SYNE2: variants seen among roughly 807,000 people sequenced by gnomAD.
SYNE2 encodes spectrin repeat containing nuclear envelope protein 2.
In SYNE2, 431 loss-of-function variants were observed where a neutral mutation model predicts 856.3. The observed-to-expected ratio is 0.50, with a 90% confidence interval of 0.47 to 0.55. The LOEUF is 0.55. Ranked by LOEUF, SYNE2 falls within the 20% of genes least tolerant of loss-of-function variation. SYNE2 has a pLI of 0.00. For synonymous variants in SYNE2, 2,923 were observed against 2,872.3 expected, an observed-to-expected ratio of 1.02 and a Z score of -0.56; for missense variants, 8,129 against 8,023.2, an observed-to-expected ratio of 1.01 and a Z score of -0.50.
In SYNE2 at chr14:63,949,904, C is replaced by T. The variant is rs750565287; in HGVS notation, c.488C>T (p.Pro163Leu). The T allele has an allele frequency of 9.3e-6, 15 of 1,614,032 alleles. No individual in the cohort carries two copies. The South Asian group carries it at 1.6e-4, about 18-fold the overall frequency. ...LDDVSVVDSS[P>L]ASSPPAKKCS... Reference sequence around the variant, plus strand: ...GATGTGAGTGTGGTTGACTCATCTCCTGCCTCAAGTCCTCCAGCTAAGAAA... The same window carrying T: ...GATGTGAGTGTGGTTGACTCATCTCTTGCCTCAAGTCCTCCAGCTAAGAAA... Residue 163 changes from proline (P) to leucine (L), a missense_variant, in exon 7 of 116, where the codon CCT becomes CTT. By Grantham distance (98) the Pro-to-Leu change is moderately conservative. This residue lies in a region of SYNE2 where 2,422 missense variants were observed against 2,357.4 expected (regional missense o/e 1.03). Transcript: ENST00000555002.
intron 94 of SYNE2, among the ~76,000 whole-genome samples, chr14:64,171,581 C>T (rs2098411000): frequency 6.6e-6 from 1 of 152,146 alleles, no homozygotes; most frequent in African/African-American, 2.4e-5. Flanking sequence ...GCCAGCCATG[C>T]AAGATCTAAG....
chr14:63,824,503 G>A (rs1889343246), intron 1 of SYNE2, among the ~76,000 whole-genome samples: 1 of 152,048 alleles, frequency 6.6e-6, no homozygotes, highest in Non-Finnish European at 1.5e-5. Flanking sequence ...GCTGGGTGTG[G>A]TGGCAGGTGC....
chr14:64,215,331 C>A lies in SYNE2; in HGVS notation c.19379C>A (p.Thr6460Lys), dbSNP rs772848063. The A allele has an allele frequency of 6.2e-7, 1 of 1,614,140 alleles. No individual in the cohort carries two copies. The highest frequency in any genetic ancestry group is 2.2e-5 in the East Asian group (1 of 44,886). Residue 6460 changes from threonine to lysine, a missense_variant, in exon 107 of 116, where the codon ACA becomes AAA. Thr to Lys is a moderately conservative substitution (Grantham distance 78). Coordinates refer to ENST00000555002, the MANE Select transcript of SYNE2 (RefSeq NM_182914.3). ...CCTGAGGCATATCTTAAAATGACCA[C>A]AAAAACTTTGAAAGCGTCTTCTGGT... ...ENPEAYLKMTTKTLKASSGKS... is the reference protein window; with the variant it reads ...ENPEAYLKMTKKTLKASSGKS...
chr14:64,159,338 T>A lies in SYNE2; in HGVS notation c.15990T>A (p.Ser5330Arg), dbSNP rs1277542548. 2 of 1,613,976 alleles carry A rather than the reference T, an allele frequency of 1.2e-6. No homozygotes were observed. The highest frequency in any genetic ancestry group is 1.7e-6 in the Non-Finnish European group (2 of 1,179,898). ...LQSLQDEAES[S>R]EGSWEKLQEV... The stretch of plus-strand genomic sequence containing the variant: ...CTCTGCAAGATGAAGCTGAGAGCAG[T>A]GAAGGGAGTTGGGAGAAACTCCAGG... The change falls in exon 87 of 116, where the codon AGT (serine) becomes AGA (arginine). Residue 5330 changes from serine (S) to arginine (R), a missense_variant. This residue lies in a region of SYNE2 where 5,410 missense variants were observed against 5,284.8 expected (regional missense o/e 1.02). Coordinates refer to ENST00000555002, the MANE Select transcript of SYNE2 (RefSeq NM_182914.3).
chr14:63,817,776 C>A (rs1464901004), intron 1 of SYNE2, among the ~76,000 whole-genome samples: 1 of 152,134 alleles, frequency 6.6e-6, no homozygotes, highest in African/African-American at 2.4e-5. Flanking sequence ...ATGATCCCAG[C>A]ACTTTGGGAG....
rs749784100 is a variant in SYNE2 at position 64,025,021 on chromosome 14, G to C, written c.5950G>C (p.Ala1984Pro). 4 of 1,614,068 alleles carry C rather than the reference G, an allele frequency of 2.5e-6. No individual in the cohort carries two copies. In the South Asian group the frequency reaches 4.4e-5, roughly 18 times the overall value. The change falls in exon 40 of 116, where the codon GCT becomes CCT. Residue 1984 changes from alanine (A) to proline (P), a missense_variant. Ala to Pro is a conservative substitution (Grantham distance 27, BLOSUM62 -1). Around this residue, in one of 3 missense-constraint regions of SYNE2, gnomAD observed 2,422 missense variants for 2,357.4 expected, o/e 1.03. Coordinates refer to ENST00000555002, the MANE Select transcript of SYNE2 (RefSeq NM_182914.3). ...EKTELFCQAL[A>P]RKREQFESVA... ...AACTGAGCTGTTCTGCCAAGCTTTA[G>C]CTAGAAAGAGGTATAGCTGATCTTG...
At chr14:63,826,797 A>G (rs555939202) in intron 1 of SYNE2, among the ~76,000 whole-genome samples, 1 of 152,314 alleles carries the variant, frequency 6.6e-6, no homozygotes, top group Non-Finnish European at 1.5e-5. Flanking sequence ...GTGTTAGGCA[A>G]TGATTTCTTA....
chr14:64,162,008 A>G (rs2098333600), intron 87 of SYNE2, 64 bp from the exon 88 acceptor site: 4 of 1,580,168 alleles, frequency 2.5e-6, no homozygotes, highest in Admixed American at 3.4e-5. Context: ...GAGTGTGTGC[A>G]TTGTACTTTC....
rs139328083 is a variant in SYNE2, at chr14:64,157,763, A to C, written c.15793-862A>C. Among the ~76,000 whole-genome samples, 11 of 152,290 alleles carry C rather than the reference A, an allele frequency of 7.2e-5. No individual in the cohort carries two copies. In the East Asian group the frequency reaches 1.3e-3, roughly 19 times the overall value. On this transcript the variant is annotated intron_variant, in intron 85 of 115. Coordinates refer to ENST00000555002, the MANE Select transcript of SYNE2 (RefSeq NM_182914.3). ...CACATTATTATCTGACTTTTTGATT[A>C]TGGCCATCAAAGTGGATGTGAAATA...
At chr14:63,964,922 A>G (rs1716417028) in intron 10 of SYNE2, among the ~76,000 whole-genome samples, 1 of 152,052 alleles carries the variant, frequency 6.6e-6, no homozygotes, top group South Asian at 2.1e-4. Flanking sequence ...TCCTTTGGCA[A>G]ATAATGACAA....
chr14:64,200,595 G>T (rs1024447641), intron 99 of SYNE2, among the ~76,000 whole-genome samples: 2 of 152,206 alleles, frequency 1.3e-5, no homozygotes, highest in African/African-American at 4.8e-5. Context: ...CTGTATCCAG[G>T]CCTGGTCCTG....
chr14:63,771,935 C>T (rs545061575), intron 1 of SYNE2, among the ~76,000 whole-genome samples: 1 of 151,950 alleles, frequency 6.6e-6, no homozygotes, highest in Admixed American at 6.5e-5. Flanking sequence ...AATTGAAACA[C>T]TATACAGCAG....
At chr14:64,092,251 G>A (rs1018858897) in intron 60 of SYNE2, among the ~76,000 whole-genome samples, 3 of 152,142 alleles carry the variant, frequency 2.0e-5, no homozygotes, top group Admixed American at 6.5e-5. Flanking sequence ...AGGCAGTTCT[G>A]TTTTGTGCCA....
intron 32 of SYNE2, among the ~76,000 whole-genome samples, chr14:64,016,164 T>C (rs2096890444): frequency 6.6e-6 from 1 of 152,068 alleles, no homozygotes; most frequent in Admixed American, 6.5e-5. Context: ...TGCAGATGCT[T>C]TTTTTGGCAG....
intron 45 of SYNE2, among the ~76,000 whole-genome samples, chr14:64,040,527 AC>A (rs1409995981): frequency 1.3e-5 from 2 of 150,662 alleles, no homozygotes; most frequent in African/African-American, 4.9e-5. Context: ...AGAATATATG[AC>A]TGAGAAAATT....
At chr14:64,106,474 C>T (rs534851849) in intron 64 of SYNE2, among the ~76,000 whole-genome samples, 1 of 152,052 alleles carries the variant, frequency 6.6e-6, no homozygotes, top group South Asian at 2.1e-4. Context: ...ACGGTGAAAC[C>T]CCATCTCTAC....
rs2096122537 is a variant in SYNE2 at position 63,949,840 on chromosome 14, C to A, written c.424C>A (p.Gln142Lys). ...CCTTCCTTAGATTGAGAAGCTTGCC[C>A]AGACTCTTTCTTGCAATTACAATCA... The part of the protein sequence containing the change: ...ILHFHIEKLA[Q>K]TLSCNYNQPS... Residue 142 changes from glutamine (Q) to lysine (K), a missense_variant, in exon 7 of 116, where the codon CAG becomes AAG. Transcript: ENST00000555002. The A allele has an allele frequency of 1.2e-6, 2 of 1,614,118 alleles. No homozygotes were observed. The highest frequency in any genetic ancestry group is 1.7e-6 in the Non-Finnish European group (2 of 1,180,004).
intron 1 of SYNE2, among the ~76,000 whole-genome samples, chr14:63,815,744 C>T (rs1295145212): frequency 6.6e-6 from 1 of 152,034 alleles, no homozygotes; most frequent in Non-Finnish European, 1.5e-5. Context: ...TATGGACAAC[C>T]TTCGTGCCTA....
chr14:64,025,799 G>A (rs1009057937), intron 41 of SYNE2, among the ~76,000 whole-genome samples: 1 of 152,210 alleles, frequency 6.6e-6, no homozygotes, highest in Non-Finnish European at 1.5e-5. Context: ...GAGTTCTTCA[G>A]AGTGGATGTG....
Sources: allele counts gnomAD v4.1 joint callset (sites outside exome capture counted in the v4.1 genomes callset), GRCh38; gene constraint gnomAD v4.1.1; regional missense constraint gnomAD v4.1.1; transcripts MANE v1.5; gene names NCBI Gene and HGNC (gene_info 2026-07-23, HGNC 2026-07-21).